KANK1: variants seen among roughly 807,000 people sequenced by gnomAD.
KANK1 encodes KN motif and ankyrin repeat domain-containing protein 1.
Under a neutral mutation model 106.2 loss-of-function variants are expected in KANK1, and 109 were observed. The observed-to-expected ratio is 1.03, with a 90% CI of 0.88 to 1.20. KANK1 has a LOEUF of 1.20. Among genes scored for constraint, KANK1 ranks in the 50% most tolerant of loss-of-function variants. The pLI is 0.00. For missense variants in KANK1, 2,399 were observed against 1,710.7 expected, an observed-to-expected ratio of 1.40 and a Z score of -7.10; for synonymous variants, 873 against 652.2, an observed-to-expected ratio of 1.34 and a Z score of -5.16.
chr9:699,122 C>G lies in KANK1; in HGVS notation c.38-11682C>G, dbSNP rs7032976. 7.6e-3 allele frequency among the ~76,000 whole-genome samples: 1,165 copies of G among 152,308 alleles called. 21 individuals are homozygous for G. Among genetic ancestry groups the G allele is most frequent in the African/African-American group, 0.027 (1,115 of 41,540 alleles). On this transcript the variant is annotated intron_variant, in intron 2 of 11. Transcript: ENST00000382297. ...CCCCACCACACTGCCCGGTGGACTC[C>G]TTAGCTACCGCTCCCTTGAAGAACC...
chr9:705,215 G>A (rs1342679750), intron 2 of KANK1, among the ~76,000 whole-genome samples: 2 of 152,160 alleles, frequency 1.3e-5, no homozygotes, highest in Admixed American at 6.5e-5. Flanking sequence ...GCCAGGCACA[G>A]TGGCTCACAG....
At chr9:660,039 G>A (rs1189582392) in intron 1 of KANK1, 7 of 358,220 alleles carry the variant, frequency 2.0e-5, no homozygotes, top group African/African-American at 1.3e-4. Flanking sequence ...ATACAAGTAA[G>A]GGTGATACCT....
chr9:503,848 C>G (rs907962582), upstream of KANK1, among the ~76,000 whole-genome samples: 4 of 152,222 alleles, frequency 2.6e-5, no homozygotes, highest in Non-Finnish European at 4.4e-5. Flanking sequence ...GTATTTGGGA[C>G]TGAACTAGGA....
At chr9:584,287 C>A (rs983633860) in intron 1 of KANK1, among the ~76,000 whole-genome samples, 1 of 152,166 alleles carries the variant, frequency 6.6e-6, no homozygotes, top group East Asian at 1.9e-4. Context: ...GTGAAACTTA[C>A]ATGCACTTAC....
intron 1 of KANK1, among the ~76,000 whole-genome samples, chr9:552,939 G>GT (rs1312787641): frequency 7.2e-5 from 11 of 152,316 alleles, no homozygotes; most frequent in South Asian, 6.2e-4. Context: ...GAGCCCAGGA[G>GT]TTTGAGACCA....
intron 1 of KANK1, among the ~76,000 whole-genome samples, chr9:527,788 A>T (rs1470863820): frequency 8.7e-5 from 13 of 148,616 alleles, no homozygotes; most frequent in African/African-American, 3.0e-4. Flanking sequence ...CTTTAAAGAG[A>T]TTGTTCCCTT....
At chr9:639,692 C>T (rs1035736152) in intron 1 of KANK1, among the ~76,000 whole-genome samples, 3 of 152,280 alleles carry the variant, frequency 2.0e-5, no homozygotes, top group East Asian at 1.9e-4. Context: ...GTAAAGTCTC[C>T]GTCTTAGTCC....
chr9:497,447 C>T (rs1160892923), intron 3 of KANK1, among the ~76,000 whole-genome samples: 2 of 144,890 alleles, frequency 1.4e-5, no homozygotes, highest in African/African-American at 2.7e-5. Context: ...CACACACACA[C>T]TCACACTCAC....
At chr9:679,867 C>T (rs1817176903) in intron 2 of KANK1, among the ~76,000 whole-genome samples, 1 of 151,994 alleles carries the variant, frequency 6.6e-6, no homozygotes, top group Admixed American at 6.6e-5. Flanking sequence ...TAATAAAAAT[C>T]ATTCCTTTAC....
intron 2 of KANK1, among the ~76,000 whole-genome samples, chr9:688,264 G>A (rs189089135): frequency 9.8e-5 from 15 of 152,306 alleles, no homozygotes; most frequent in Middle Eastern, 3.4e-3. Flanking sequence ...TCTCGTGAAA[G>A]TTGTAGTTAT....
At chr9:576,798 C>T (rs1298459297) in intron 1 of KANK1, among the ~76,000 whole-genome samples, 1 of 151,944 alleles carries the variant, frequency 6.6e-6, no homozygotes, top group Non-Finnish European at 1.5e-5. Context: ...CTGTACGTAC[C>T]ATGTACCTGG....
chr9:527,226 C>T (rs182122792), intron 1 of KANK1, among the ~76,000 whole-genome samples: 1 of 151,956 alleles, frequency 6.6e-6, no homozygotes, highest in East Asian at 1.9e-4. Flanking sequence ...CTCTCTGTTT[C>T]TCTTCCCTGG....
rs149059769 is a variant in KANK1, at chr9:526,649, C to T, written c.-84+21895C>T. On this transcript the variant is annotated intron_variant, in intron 1 of 11. Coordinates refer to ENST00000382297, the MANE Select transcript of KANK1 (RefSeq NM_015158.5). ...AAAAAGTCAAGTTGTTCTACAAAAC[C>T]GTCCATGAAAACAGTAGCTTTCTGC... 3.4e-4 allele frequency among the ~76,000 whole-genome samples: 51 copies of T among 151,846 alleles called. 2 individuals are homozygous for T. Among genetic ancestry groups the T allele is most frequent in the African/African-American group, 1.2e-3 (50 of 41,182 alleles).
chr9:565,000 G>T (rs1244747192), intron 1 of KANK1, among the ~76,000 whole-genome samples: 1 of 152,112 alleles, frequency 6.6e-6, no homozygotes, highest in Non-Finnish European at 1.5e-5. Flanking sequence ...AAGGAGCCTG[G>T]TGAGGCTGGA....
chr9:711,449 C>G lies in KANK1; in HGVS notation c.683C>G (p.Ala228Gly), dbSNP rs138522309. Residue 228 changes from alanine to glycine, a missense_variant, in exon 3 of 12, where the codon GCT becomes GGT. By Grantham distance (60) the Ala-to-Gly change is moderately conservative. Transcript: ENST00000382297. Reference sequence around the variant, plus strand: ...GGGGATTATGGTAGCTATGCCCCAGCTGCTCCCACCACTTCCTCCATGGGG... The same window carrying G: ...GGGGATTATGGTAGCTATGCCCCAGGTGCTCCCACCACTTCCTCCATGGGG... Reference protein sequence around the residue: ...GNGDYGSYAPAAPTTSSMGSS... With the variant: ...GNGDYGSYAPGAPTTSSMGSS... 5.7e-5 allele frequency: 92 copies of G among 1,614,140 alleles called. 1 individual carries two copies. In the African/African-American group the frequency reaches 1.1e-3, roughly 18 times the overall value.
chr9:595,175 A>G (rs1157245492), intron 1 of KANK1, among the ~76,000 whole-genome samples: 1 of 151,646 alleles, frequency 6.6e-6, no homozygotes, highest in African/African-American at 2.4e-5. Flanking sequence ...GCTACTCAGG[A>G]AGCTAAGGCC....
intron 1 of KANK1, among the ~76,000 whole-genome samples, chr9:552,206 A>G (rs940115296): frequency 6.6e-6 from 1 of 152,186 alleles, no homozygotes; most frequent in Non-Finnish European, 1.5e-5. Context: ...AAGCGGAAAT[A>G]GCATATGCAG....
intron 1 of KANK1, among the ~76,000 whole-genome samples, chr9:547,787 A>G (rs1034308289): frequency 5.3e-5 from 8 of 152,176 alleles, no homozygotes; most frequent in African/African-American, 1.9e-4. Context: ...AAATAGTAAA[A>G]CACATTTCTG....
intron 1 of KANK1, among the ~76,000 whole-genome samples, chr9:574,291 A>C (rs554436272): frequency 7.9e-5 from 12 of 152,294 alleles, no homozygotes; most frequent in Admixed American, 7.2e-4. Context: ...CAGAGCCTGC[A>C]CTCTGATAAT....
Sources: gnomAD v4.1 joint callset for allele counts (sites outside exome capture counted in the v4.1 genomes callset) on GRCh38, gnomAD v4.1.1 for gene constraint, MANE v1.5 for transcripts, NCBI Gene and HGNC (gene_info 2026-07-23, HGNC 2026-07-21) for gene names.